STAB2: variants seen among roughly 807,000 people sequenced by gnomAD.
The protein encoded by STAB2 is stabilin-2.
STAB2 carries 288 observed loss-of-function variants against 338.1 expected under a neutral mutation model. The observed-to-expected ratio is 0.85, with a 90% CI of 0.77 to 0.94. The LOEUF (loss-of-function observed/expected upper bound fraction) is 0.94, where lower values mean the gene tolerates loss of function less well. Ranked by LOEUF, STAB2 falls within the 40% of genes least tolerant of loss-of-function variation. The probability of loss-of-function intolerance (pLI) is 0.00; values close to 1 mark genes in which losing one functional copy is unlikely to be tolerated. For synonymous variants in STAB2, 1,202 were observed against 1,193.3 expected, an observed-to-expected ratio of 1.01 and a Z score of -0.15; for missense variants, 3,141 against 3,210.1, an observed-to-expected ratio of 0.98 and a Z score of 0.52.
chr12:103,756,786 GTC>G (rs1401699009), intron 63 of STAB2, among the ~76,000 whole-genome samples: 2 of 151,998 alleles, frequency 1.3e-5, no homozygotes, highest in Non-Finnish European at 2.9e-5. Flanking sequence ...CCAAAATGGA[GTC>G]TCTGTCCACA....
chr12:103,616,852 T>C (rs1412749311), intron 3 of STAB2, among the ~76,000 whole-genome samples: 1 of 152,264 alleles, frequency 6.6e-6, no homozygotes, highest in East Asian at 1.9e-4. Flanking sequence ...TTTATGAAGA[T>C]GCTCTCTTAG....
rs141365936 is a variant in STAB2 at position 103,685,422 on chromosome 12, C to CTGTGTGTGTG, written c.2997+361_2997+370dup. Among the ~76,000 whole-genome samples, 1,454 of 145,844 alleles carry CTGTGTGTGTG rather than the reference C, an allele frequency of 1.0e-2. 10 individuals carry two copies. Among genetic ancestry groups the CTGTGTGTGTG allele is most frequent in the East Asian group, 0.032 (152 of 4,778 alleles). On this transcript the variant is annotated intron_variant, in intron 27 of 68. Coordinates refer to ENST00000388887, the MANE Select transcript of STAB2 (RefSeq NM_017564.10). ...CTGGGCTACCCTTTGCTTACCCATG[C>CTGTGTGTGTG]TGTGTGTGTGTGTGTGTGTGTGTGT...
chr12:103,694,316 A>C (rs1878214642), intron 31 of STAB2, among the ~76,000 whole-genome samples: 1 of 152,150 alleles, frequency 6.6e-6, no homozygotes, highest in Non-Finnish European at 1.5e-5. Context: ...AAGTTCTATC[A>C]GGCCTTCTCC....
At chr12:103,730,380 A>G (rs377641187) in intron 49 of STAB2, 124 bp downstream of exon 49, 22 of 1,087,386 alleles carry the variant, frequency 2.0e-5, no homozygotes, top group East Asian at 1.7e-4. Context: ...GCTATTATTA[A>G]AAGCCTAGTA....
At chr12:103,707,587 A>C (rs1302630296) in intron 38 of STAB2, among the ~76,000 whole-genome samples, 1 of 152,200 alleles carries the variant, frequency 6.6e-6, no homozygotes, top group Non-Finnish European at 1.5e-5. Context: ...TAGTTTTTGC[A>C]AAAACAATGA....
intron 64 of STAB2, among the ~76,000 whole-genome samples, chr12:103,758,768 C>T (rs776187908): frequency 6.6e-6 from 1 of 152,220 alleles, no homozygotes; most frequent in East Asian, 1.9e-4. Flanking sequence ...CTTCATATCA[C>T]GGCACACAGA....
chr12:103,604,332 T>A (rs754659693), intron 3 of STAB2, among the ~76,000 whole-genome samples: 21 of 152,110 alleles, frequency 1.4e-4, no homozygotes, highest in Non-Finnish European at 2.5e-4. Flanking sequence ...TTTCTTTTCT[T>A]GTTATGTATT....
intron 26 of STAB2, among the ~76,000 whole-genome samples, chr12:103,683,562 A>G (rs1426523148): frequency 6.6e-6 from 1 of 152,250 alleles, no homozygotes; most frequent in Non-Finnish European, 1.5e-5. Context: ...CTTTAAGCAC[A>G]AGTAAGTCCC....
intron 2 of STAB2, among the ~76,000 whole-genome samples, chr12:103,593,606 A>G (rs1483041540): frequency 1.3e-5 from 2 of 152,198 alleles, no homozygotes; most frequent in Admixed American, 1.3e-4. Flanking sequence ...CTGTTCGTAA[A>G]GTATGTGACT....
At chr12:103,704,286 A>C (rs892446906) in intron 35 of STAB2, among the ~76,000 whole-genome samples, 1 of 152,162 alleles carries the variant, frequency 6.6e-6, no homozygotes, top group Admixed American at 6.5e-5. Flanking sequence ...GTTGGTTTTT[A>C]ATAAATAAAA....
intron 18 of STAB2, among the ~76,000 whole-genome samples, chr12:103,664,578 A>C (rs1300876054): frequency 6.6e-6 from 1 of 152,198 alleles, no homozygotes; most frequent in African/African-American, 2.4e-5. Context: ...ATGCTTCAAT[A>C]ATACATTAGT....
chr12:103,687,317 CTG>C (rs1281719251), intron 27 of STAB2, among the ~76,000 whole-genome samples: 1 of 151,752 alleles, frequency 6.6e-6, no homozygotes, highest in Non-Finnish European at 1.5e-5. Context: ...TTTAATAACT[CTG>C]TGTTTAGAGA....
At chr12:103,616,395 G>A (rs1957211207) in intron 3 of STAB2, among the ~76,000 whole-genome samples, 1 of 152,230 alleles carries the variant, frequency 6.6e-6, no homozygotes, top group Non-Finnish European at 1.5e-5. Context: ...GGAATGGAGA[G>A]AAAGGCCTGT....
chr12:103,603,755 T>C (rs1000191149), intron 3 of STAB2, among the ~76,000 whole-genome samples: 3 of 152,226 alleles, frequency 2.0e-5, no homozygotes, highest in African/African-American at 7.2e-5. Flanking sequence ...ACAAAATAAG[T>C]CCTCCTAAGA....
At chr12:103,757,143 C>T (rs556926099) in intron 63 of STAB2, among the ~76,000 whole-genome samples, 128 of 151,102 alleles carry the variant, frequency 8.5e-4, no homozygotes, top group Middle Eastern at 3.4e-3. Context: ...GGCTGGAGTA[C>T]AGTGGCATGA....
Position 103,703,089 on chromosome 12 carries a change from A to T in STAB2, c.3715-59A>T, listed in dbSNP as rs909488735. 3.2e-6 allele frequency: 5 copies of T among 1,568,396 alleles called. No individual in the cohort carries two copies. In the East Asian group the frequency reaches 1.1e-4, roughly 35 times the overall value. ...GTCCTATTGCTAACCTCCACTTCCT[A>T]TCTTTTCCATATCTCTTTAAATGTC... On this transcript the variant is annotated intron_variant, in intron 34 of 68. Coordinates refer to ENST00000388887, the MANE Select transcript of STAB2 (RefSeq NM_017564.10).
At chr12:103,636,090 A>G (rs181551940) in intron 6 of STAB2, among the ~76,000 whole-genome samples, 8 of 152,150 alleles carry the variant, frequency 5.3e-5, no homozygotes, top group Admixed American at 5.2e-4. Context: ...GTACATGTGC[A>G]CAACGTGCAG....
intron 3 of STAB2, among the ~76,000 whole-genome samples, chr12:103,604,892 TA>T (rs1404447444): frequency 6.6e-6 from 1 of 151,578 alleles, no homozygotes; most frequent in Non-Finnish European, 1.5e-5. Context: ...TTTCATGTGC[TA>T]TTATTTTTCT....
intron 63 of STAB2, among the ~76,000 whole-genome samples, chr12:103,756,797 C>T (rs1331459330): frequency 1.3e-5 from 2 of 151,954 alleles, no homozygotes; most frequent in Non-Finnish European, 2.9e-5. Flanking sequence ...TCTCTGTCCA[C>T]AGACCAAAGA....
Sources: allele counts gnomAD v4.1 joint callset (sites outside exome capture counted in the v4.1 genomes callset), GRCh38; gene constraint gnomAD v4.1.1; transcripts MANE v1.5; gene names NCBI Gene and HGNC (gene_info 2026-07-23, HGNC 2026-07-21).